PAPPA: variants seen among roughly 807,000 people sequenced by gnomAD.
PAPPA encodes pappalysin-1.
A neutral mutation model predicts 164.0 loss-of-function variants in PAPPA; 60 were observed. The observed-to-expected ratio is 0.37, with a 90% confidence interval of 0.30 to 0.45. The LOEUF is 0.45. Among genes scored for constraint, PAPPA ranks in the 20% least tolerant of loss-of-function variants. PAPPA has a pLI of 1.00. For synonymous variants in PAPPA, 875 were observed against 814.1 expected (o/e 1.07, Z -1.27); for missense variants, 1,782 against 2,087.3 (o/e 0.85, Z 2.85).
chr9:116,382,247 A>G lies in PAPPA; in HGVS notation c.4678-148A>G, dbSNP rs911038284. 2.4e-5 allele frequency: 15 copies of G among 634,666 alleles called. No individual in the cohort carries two copies. The African/African-American group carries it at 2.7e-4, about 11-fold the overall frequency. 39.3% of individuals were successfully genotyped at this position (634,666 alleles called of 1,614,324 possible). ...GAATGGTAGAGGTGATAACTCATTC[A>G]AGGGGGTGTTGGGGATGTGAAGCCT... On this transcript the variant is annotated intron_variant, in intron 20 of 21. Coordinates refer to ENST00000328252, the MANE Select transcript of PAPPA (RefSeq NM_002581.5).
intron 2 of PAPPA, among the ~76,000 whole-genome samples, chr9:116,190,778 A>G (rs1204367785): frequency 6.6e-6 from 1 of 152,182 alleles, no homozygotes; most frequent in Non-Finnish European, 1.5e-5. Flanking sequence ...AAGTCACGGG[A>G]ATGCATGCCC....
At chr9:116,156,344 A>G (rs868543907) in intron 1 of PAPPA, among the ~76,000 whole-genome samples, 1 of 129,600 alleles carries the variant, frequency 7.7e-6, no homozygotes, top group Non-Finnish European at 1.7e-5. Flanking sequence ...GTATATATAT[A>G]TATGTATATA....
intron 8 of PAPPA, among the ~76,000 whole-genome samples, chr9:116,270,581 A>T (rs1218457288): frequency 6.6e-6 from 1 of 152,136 alleles, no homozygotes; most frequent in East Asian, 1.9e-4. Flanking sequence ...GAAAGCAGTA[A>T]CCCATCCAGA....
At chr9:116,370,412 A>G (rs1397017737) in intron 19 of PAPPA, among the ~76,000 whole-genome samples, 1 of 152,230 alleles carries the variant, frequency 6.6e-6, no homozygotes, top group Non-Finnish European at 1.5e-5. Context: ...CTGATAGTTT[A>G]CTTCAGCTAT....
intron 13 of PAPPA, among the ~76,000 whole-genome samples, chr9:116,343,796 T>C (rs1253192379): frequency 6.9e-6 from 1 of 145,796 alleles, no homozygotes; most frequent in African/African-American, 2.5e-5. Flanking sequence ...GTTTCACTCT[T>C]GTTGCCCAGG....
intron 17 of PAPPA, among the ~76,000 whole-genome samples, chr9:116,354,937 C>T (rs1255625870): frequency 6.6e-6 from 1 of 151,952 alleles, no homozygotes; most frequent in Non-Finnish European, 1.5e-5. Context: ...TCCCCCCACA[C>T]CTCTGCATTC....
chr9:116,332,228 C>T (rs1846001967), intron 11 of PAPPA, 105 bp from the exon 12 acceptor site: 2 of 912,064 alleles, frequency 2.2e-6, no homozygotes, highest in Non-Finnish European at 3.4e-6. Flanking sequence ...AGTAGTAGCC[C>T]AGTTCTTAAA....
chr9:116,224,614 G>C (rs1844482882), intron 5 of PAPPA, among the ~76,000 whole-genome samples: 1 of 152,166 alleles, frequency 6.6e-6, no homozygotes, highest in Admixed American at 6.6e-5. Flanking sequence ...TGTCCAATAG[G>C]ATTTGCTGCA....
At chr9:116,388,226 G>GCAGA (rs1846842232) in intron 21 of PAPPA, among the ~76,000 whole-genome samples, 1 of 152,150 alleles carries the variant, frequency 6.6e-6, no homozygotes, top group African/African-American at 2.4e-5. Flanking sequence ...GCAGTGTGAG[G>GCAGA]CAGACAGGAA....
At chr9:116,180,651 T>C (rs762207050) in intron 1 of PAPPA, among the ~76,000 whole-genome samples, 1 of 152,140 alleles carries the variant, frequency 6.6e-6, no homozygotes, top group African/African-American at 2.4e-5. Flanking sequence ...GAATTGCATA[T>C]AAATTGTCAT....
At chr9:116,196,917 A>G (rs1485907588) in intron 2 of PAPPA, among the ~76,000 whole-genome samples, 1 of 152,208 alleles carries the variant, frequency 6.6e-6, no homozygotes, top group African/African-American at 2.4e-5. Flanking sequence ...ACTTCTAACT[A>G]CTGAACTATT....
At chr9:116,246,885 G>A (rs150572020) in intron 7 of PAPPA, among the ~76,000 whole-genome samples, 33 of 152,220 alleles carry the variant, frequency 2.2e-4, no homozygotes, top group African/African-American at 6.7e-4. Flanking sequence ...GTCAGGTATA[G>A]TGATGTGCAC....
intron 9 of PAPPA, among the ~76,000 whole-genome samples, chr9:116,293,454 C>A (rs1285848795): frequency 2.0e-5 from 3 of 152,172 alleles, no homozygotes; most frequent in African/African-American, 7.2e-5. Flanking sequence ...AGAACTGAAT[C>A]TTAATGGAAG....
chr9:116,209,522 G>A (rs909075560), intron 3 of PAPPA, among the ~76,000 whole-genome samples: 1 of 152,142 alleles, frequency 6.6e-6, no homozygotes, highest in African/African-American at 2.4e-5. Flanking sequence ...TCAGAGTCTG[G>A]CTCAGGGCCA....
intron 7 of PAPPA, among the ~76,000 whole-genome samples, chr9:116,241,071 T>C (rs1412597764): frequency 2.0e-5 from 3 of 152,232 alleles, no homozygotes; most frequent in African/African-American, 7.2e-5. Flanking sequence ...GATGTTTATA[T>C]GATCTGGGTG....
chr9:116,236,691 A>T (rs1344290593), intron 7 of PAPPA, among the ~76,000 whole-genome samples: 2 of 152,134 alleles, frequency 1.3e-5, no homozygotes, highest in African/African-American at 2.4e-5. Flanking sequence ...CCATCTTATA[A>T]TGAAGCCATT....
chr9:116,230,451 T>C (rs1844576209), intron 6 of PAPPA, among the ~76,000 whole-genome samples: 1 of 152,168 alleles, frequency 6.6e-6, no homozygotes, highest in South Asian at 2.1e-4. Context: ...GATTGGACCA[T>C]GGTCTCAGCC....
chr9:116,163,700 C>T (rs1326069008), intron 1 of PAPPA, among the ~76,000 whole-genome samples: 3 of 152,076 alleles, frequency 2.0e-5, no homozygotes, highest in African/African-American at 7.2e-5. Flanking sequence ...TGCCTGTCAC[C>T]CTCAGGGGCC....
In PAPPA at chr9:116,362,693, G is replaced by T; in HGVS notation, c.4449G>T (p.Glu1483Asp). 2 of 1,614,084 alleles carry T rather than the reference G, an allele frequency of 1.2e-6. No homozygotes were observed. The highest frequency in any genetic ancestry group is 2.2e-5 in the South Asian group (2 of 91,050). Residue 1483 changes from glutamate (E) to aspartate (D), a missense_variant, in exon 18 of 22, where the codon GAG becomes GAT. Coordinates refer to ENST00000328252, the MANE Select transcript of PAPPA (RefSeq NM_002581.5). ...EMQGQCSVPN[E>D]LNSNLKLQCP... ...AAGGCCAGTGCTCGGTTCCAAACGA[G>T]CTCAACAGCAACCTCAAACTGCAGT... is the stretch of plus-strand genomic sequence containing the variant.
Sources: gnomAD v4.1 joint callset for allele counts (sites outside exome capture counted in the v4.1 genomes callset) on GRCh38, gnomAD v4.1.1 for gene constraint, MANE v1.5 for transcripts, NCBI Gene and HGNC (gene_info 2026-07-23, HGNC 2026-07-21) for gene names.